Variants in OPN3 observed in about 807,000 individuals in gnomAD.
OPN3 encodes opsin-3.
Under a neutral mutation model 33.8 loss-of-function variants are expected in OPN3, and 29 were observed. That is an observed-to-expected ratio of 0.86 (90% confidence interval 0.64 to 1.17). The LOEUF is 1.17. Among genes scored for constraint, OPN3 ranks in the 50% most tolerant of loss-of-function variants. OPN3 has a pLI of 0.00. For missense variants in OPN3, 437 were observed against 514.1 expected (o/e 0.85, Z 1.45); for synonymous variants, 216 against 216.1 (o/e 1.00, Z 0.00).
chr1:241,594,773 C>T lies in OPN3; in HGVS notation c.946-82G>A, dbSNP rs1663448621. 3.3e-6 allele frequency: 5 copies of T among 1,509,478 alleles called. No individual in the cohort carries two copies. In the Admixed American group the frequency reaches 8.0e-5, roughly 24 times the overall value. The allele number at this position is 1,509,478 out of a possible 1,614,324, so 93.5% of individuals were successfully genotyped here. ...TTAACATTCGAGGAAATCAGTTGAG[C>T]TGAATTTAAGTTGTTTTTTGTTTGT... On this transcript the variant is annotated intron_variant, in intron 3 of 3. Transcript: ENST00000366554.
chr1:241,639,236 T>TG (rs1665018603), intron 1 of OPN3: 1 of 152,238 alleles, frequency 6.6e-6, no homozygotes, highest in African/African-American at 2.4e-5. Flanking sequence ...TCTGGTGTGC[T>TG]GGAACCCATC....
intron 1 of OPN3, among the ~76,000 whole-genome samples, chr1:241,610,550 G>A (rs1663963075): frequency 6.6e-6 from 1 of 152,190 alleles, no homozygotes; most frequent in Admixed American, 6.5e-5. Context: ...ATCAGTTTGA[G>A]TCAAATAGTT....
intron 1 of OPN3, chr1:241,633,361 G>A (rs1664721966): frequency 6.1e-6 from 1 of 163,846 alleles, no homozygotes. Context: ...TACCATTTGT[G>A]TATGTTTCAC....
At chr1:241,639,368 T>A (rs1208361167) in intron 1 of OPN3, 2 of 144,860 alleles carry the variant, frequency 1.4e-5, no homozygotes, top group Non-Finnish European at 3.1e-5. Context: ...CTAATGAGAA[T>A]TTTTTTTTAC....
At chr1:241,638,693 G>A (rs1664996864) in intron 1 of OPN3, among the ~76,000 whole-genome samples, 1 of 152,280 alleles carries the variant, frequency 6.6e-6, no homozygotes. Flanking sequence ...AAGCTTATGA[G>A]GGGCGGGGAG....
Position 241,640,342 on chromosome 1 carries a change from C to G in OPN3, c.-88G>C. The G allele has an allele frequency of 9.4e-7, 1 of 1,066,152 alleles. No individual in the cohort carries two copies. Among genetic ancestry groups the G allele is most frequent in the Non-Finnish European group, 1.1e-6 (1 of 884,926 alleles). The allele number at this position is 1,066,152 out of a possible 1,614,324, so 66.0% of individuals were successfully genotyped here. A position where few individuals can be genotyped will look rare whatever the true frequency, so the allele number is the denominator to read the frequency against. On this transcript the variant is annotated 5_prime_UTR_variant, in exon 1 of 4. Transcript: ENST00000366554. ...CTCCGCACTGGGTGGGGTTGGGGCT[C>G]CGCCGCCTGCTCTAGCCATTGTGCA...
At chr1:241,639,735 C>CGGGGAGCGGGGCGGTGTAGGGCGG in intron 1 of OPN3, 147 bp downstream of exon 1, 1 of 728,782 alleles carries the variant, frequency 1.4e-6, no homozygotes, top group South Asian at 2.6e-5. Context: ...AGGAGGCGAG[C>CGGGGAGCGGGGCGGTGTAGGGCGG]GGGGAGCGGG....
chr1:241,601,597 T>C (rs1304314670), intron 2 of OPN3, among the ~76,000 whole-genome samples: 1 of 152,030 alleles, frequency 6.6e-6, no homozygotes, highest in East Asian at 1.9e-4. Context: ...TCCCAGCTAC[T>C]CAGGAGGCTG....
intron 1 of OPN3, among the ~76,000 whole-genome samples, chr1:241,616,779 A>T (rs976130099): frequency 2.0e-5 from 3 of 151,676 alleles, no homozygotes; most frequent in Admixed American, 6.6e-5. Flanking sequence ...TCAATGAAAA[A>T]TTTTTTTTTC....
chr1:241,609,870 G>C (rs141704173), intron 1 of OPN3, among the ~76,000 whole-genome samples: 2 of 152,202 alleles, frequency 1.3e-5, no homozygotes, highest in African/African-American at 2.4e-5. Context: ...CACTACAGGG[G>C]ATGGCGCAAA....
At chr1:241,624,716 A>T (rs1387845018) in intron 1 of OPN3, among the ~76,000 whole-genome samples, 1 of 152,222 alleles carries the variant, frequency 6.6e-6, no homozygotes, top group East Asian at 1.9e-4. Flanking sequence ...AAATCAGAAC[A>T]GTTCATGGCA....
intron 1 of OPN3, among the ~76,000 whole-genome samples, chr1:241,625,278 T>C (rs1490481912): frequency 1.3e-5 from 2 of 152,252 alleles, no homozygotes; most frequent in Non-Finnish European, 2.9e-5. Context: ...TGTACAATTA[T>C]GGATGGTTTA....
At chr1:241,635,257 AG>A (rs1558448093) in intron 1 of OPN3, 1 of 1,613,938 alleles carries the variant, frequency 6.2e-7, no homozygotes, top group Middle Eastern at 1.7e-4. Context: ...CCTCTACATC[AG>A]TTACTTCTAG....
At chr1:241,601,887 G>A (rs138982739) in intron 2 of OPN3, among the ~76,000 whole-genome samples, 9 of 152,282 alleles carry the variant, frequency 5.9e-5, no homozygotes, top group African/African-American at 4.8e-5. Flanking sequence ...ACTATTCAAT[G>A]AGAAAGCAAA....
At chr1:241,609,207 A>G (rs1663918619) in intron 1 of OPN3, among the ~76,000 whole-genome samples, 1 of 152,214 alleles carries the variant, frequency 6.6e-6, no homozygotes, top group African/African-American at 2.4e-5. Flanking sequence ...AGCAATGGGA[A>G]TGATGAGTGC....
At chr1:241,636,313 AAAAT>A (rs1378521910) in intron 1 of OPN3, among the ~76,000 whole-genome samples, 2 of 152,256 alleles carry the variant, frequency 1.3e-5, no homozygotes, top group Non-Finnish European at 2.9e-5. Flanking sequence ...ATGTTCCACA[AAAAT>A]AAAGAAGAAA....
At position 241,640,215 on chromosome 1, in the gene OPN3, C is replaced by A. The variant is rs1314498614; in HGVS notation, c.40G>T (p.Asp14Tyr). ...GNRSGGHGYW[D>Y]GGGAAGAEGP... ...TCAGCGCCCGCGGCCCCGCCGCCGT[C>A]CCAGTAGCCGTGGCCGCCGCTGCGG... The change falls in exon 1 of 4, where the codon GAC becomes TAC. Residue 14 changes from aspartate to tyrosine, a missense_variant. By Grantham distance (160) the Asp-to-Tyr change is radical. Transcript: ENST00000366554. The A allele has an allele frequency of 7.4e-7, 1 of 1,355,270 alleles. No homozygotes were observed. Among genetic ancestry groups the A allele is most frequent in the African/African-American group, 1.5e-5 (1 of 64,974 alleles). 84.0% of individuals were successfully genotyped at this position (1,355,270 alleles called of 1,614,324 possible).
intron 2 of OPN3, among the ~76,000 whole-genome samples, chr1:241,602,008 C>T (rs1029428778): frequency 1.1e-4 from 16 of 152,168 alleles, no homozygotes; most frequent in Middle Eastern, 6.8e-3. Flanking sequence ...CAATTGACTA[C>T]GAGGATCTGT....
intron 1 of OPN3, among the ~76,000 whole-genome samples, chr1:241,637,956 A>G (rs900158485): frequency 3.9e-5 from 6 of 152,162 alleles, no homozygotes; most frequent in African/African-American, 4.8e-5. Flanking sequence ...CTCAGGGATA[A>G]CTCAGGAAGT....
Sources: allele counts gnomAD v4.1 joint callset (sites outside exome capture counted in the v4.1 genomes callset), GRCh38; gene constraint gnomAD v4.1.1; transcripts MANE v1.5; gene names NCBI Gene and HGNC (gene_info 2026-07-23, HGNC 2026-07-21).